The following TP63 variants were observed in gnomAD, a reference collection of about 807,000 sequenced individuals.
TP63 encodes tumor protein 63.
A neutral mutation model predicts 82.8 loss-of-function variants in TP63; 17 were observed. The observed-to-expected ratio is 0.21, with a 90% CI of 0.14 to 0.31. The LOEUF (loss-of-function observed/expected upper bound fraction) is 0.31, where lower values mean the gene tolerates loss of function less well. Among genes scored for constraint, TP63 ranks in the 10% least tolerant of loss-of-function variants. TP63 has a pLI of 1.00. For missense variants in TP63, 648 were observed against 895.3 expected, an observed-to-expected ratio of 0.72 and a Z score of 3.52; for synonymous variants, 330 against 321.7, an observed-to-expected ratio of 1.03 and a Z score of -0.28.
intron 1 of TP63, among the ~76,000 whole-genome samples, chr3:189,733,963 C>G (rs1461429722): frequency 2.6e-5 from 4 of 152,146 alleles, no homozygotes; most frequent in Non-Finnish European, 4.4e-5. Flanking sequence ...ACCAATTTAA[C>G]TTTGTTAATT....
chr3:189,713,498 T>G (rs1450212686), intron 1 of TP63, among the ~76,000 whole-genome samples: 2 of 152,174 alleles, frequency 1.3e-5, no homozygotes, highest in African/African-American at 4.8e-5. Context: ...TAATCTCAAA[T>G]GTACTTCATC....
intron 4 of TP63, among the ~76,000 whole-genome samples, chr3:189,853,875 C>G (rs1715958088): frequency 6.6e-6 from 1 of 152,174 alleles, no homozygotes; most frequent in Non-Finnish European, 1.5e-5. Context: ...TCCCATAACA[C>G]TTGCAGATGG....
intron 1 of TP63, among the ~76,000 whole-genome samples, chr3:189,686,606 A>G (rs1212896954): frequency 6.6e-6 from 1 of 151,882 alleles, no homozygotes; most frequent in East Asian, 1.9e-4. Flanking sequence ...AAATAAATAA[A>G]TAAATAATGC....
chr3:189,824,720 A>G lies in TP63; in HGVS notation c.579+16194A>G, dbSNP rs138143862. Among the ~76,000 whole-genome samples the G allele has an allele frequency of 2.6e-3, 398 of 152,192 alleles. 3 individuals are homozygous for G. Among genetic ancestry groups the G allele is most frequent in the African/African-American group, 9.0e-3 (375 of 41,508 alleles). On this transcript the variant is annotated intron_variant, in intron 4 of 13. Coordinates refer to ENST00000264731, the MANE Select transcript of TP63 (RefSeq NM_003722.5). ...CTTACTCAGGACGATTTTCCTCTTAAAGCACCAGGGAGGGAGAGGCCCTTG... is the reference window on the plus strand; with the variant it reads ...CTTACTCAGGACGATTTTCCTCTTAGAGCACCAGGGAGGGAGAGGCCCTTG...
chr3:189,598,235 T>G, the TP63 span, among the ~76,000 whole-genome samples: 1 of 135,924 alleles, frequency 7.4e-6, no homozygotes, highest in Non-Finnish European at 1.5e-5. Context: ...ATAATTGGAG[T>G]AGAGATGGAG....
intron 1 of TP63, among the ~76,000 whole-genome samples, chr3:189,728,857 C>T (rs1291304960): frequency 6.6e-6 from 1 of 152,176 alleles, no homozygotes; most frequent in African/African-American, 2.4e-5. Context: ...ATTACTTCCT[C>T]CTGGTCCTGC....
chr3:189,889,628 G>T, intron 12 of TP63, 144 bp downstream of exon 12: 1 of 1,135,952 alleles, frequency 8.8e-7, no homozygotes, highest in Non-Finnish European at 1.3e-6. Flanking sequence ...TCTCTGATCT[G>T]TGGAGTGGTC....
In TP63 at chr3:189,771,154, G is replaced by T. The variant is rs917308517; in HGVS notation, c.324+32380G>T. ...AATATTTTATACTAACATTAAACAA[G>T]TAAAAATGTGGCTATTGTTCAGGAG... On this transcript the variant is annotated intron_variant, in intron 3 of 13. Coordinates refer to ENST00000264731, the MANE Select transcript of TP63 (RefSeq NM_003722.5). 2.7e-5 allele frequency among the ~76,000 whole-genome samples: 4 copies of T among 150,796 alleles called. No individual in the cohort carries two copies. In the Admixed American group the frequency reaches 2.7e-4, roughly 10 times the overall value.
chr3:189,766,135 A>G (rs1722945392), intron 3 of TP63, among the ~76,000 whole-genome samples: 1 of 152,176 alleles, frequency 6.6e-6, no homozygotes, highest in African/African-American at 2.4e-5. Flanking sequence ...CAGGAATTTG[A>G]GACTGCAGTG....
At chr3:189,789,121 C>T (rs1425208474) in intron 3 of TP63, among the ~76,000 whole-genome samples, 1 of 151,960 alleles carries the variant, frequency 6.6e-6, no homozygotes, top group African/African-American at 2.4e-5. Context: ...ACTGGCATTT[C>T]TCTGGGGAAA....
At chr3:189,672,094 ATTAG>A (rs1335688962) in intron 1 of TP63, among the ~76,000 whole-genome samples, 3 of 152,212 alleles carry the variant, frequency 2.0e-5, no homozygotes, top group Admixed American at 6.6e-5. Context: ...TGATAAATAT[ATTAG>A]TTATTCTTAT....
At chr3:189,877,471 C>G (rs763318613) in intron 10 of TP63, among the ~76,000 whole-genome samples, 8 of 152,204 alleles carry the variant, frequency 5.3e-5, no homozygotes, top group Non-Finnish European at 1.5e-5. Context: ...GCGAGGCTGA[C>G]ATCACTTTGT....
chr3:189,891,497 C>T (rs1228373401), intron 13 of TP63, among the ~76,000 whole-genome samples: 1 of 152,202 alleles, frequency 6.6e-6, no homozygotes, highest in African/African-American at 2.4e-5. Context: ...CCAGCCATTT[C>T]TAATCATTGG....
chr3:189,884,910 C>T (rs1403577495), intron 10 of TP63, among the ~76,000 whole-genome samples: 2 of 152,044 alleles, frequency 1.3e-5, no homozygotes, highest in African/African-American at 2.4e-5. Context: ...TGCAGAGTGG[C>T]AGCTTCGAAG....
Position 189,631,471 on chromosome 3 carries a change from A to G in TP63, c.-45A>G. 1.2e-6 allele frequency: 2 copies of G among 1,611,316 alleles called. No homozygotes were observed. Among genetic ancestry groups the G allele is most frequent in the South Asian group, 1.1e-5 (1 of 91,012 alleles). Reference sequence around the variant, plus strand: ...ATACACAGGTATATGTGTATATTTTATATAATTGTTCTCCGTTCGTTGATA... The same window carrying G: ...ATACACAGGTATATGTGTATATTTTGTATAATTGTTCTCCGTTCGTTGATA... On this transcript the variant is annotated 5_prime_UTR_variant, in exon 1 of 14. Transcript: ENST00000264731.
chr3:189,804,074 A>G (rs1726613349), intron 3 of TP63, among the ~76,000 whole-genome samples: 1 of 152,140 alleles, frequency 6.6e-6, no homozygotes, highest in Non-Finnish European at 1.5e-5. Context: ...AAATACATGC[A>G]TATGGGACAT....
At chr3:189,818,909 A>G (rs1009138276) in intron 4 of TP63, among the ~76,000 whole-genome samples, 1 of 152,190 alleles carries the variant, frequency 6.6e-6, no homozygotes, top group African/African-American at 2.4e-5. Context: ...ATGTTAGAAA[A>G]GGAATTTGAG....
chr3:189,649,930 A>G (rs1355767102), intron 1 of TP63, among the ~76,000 whole-genome samples: 2 of 147,150 alleles, frequency 1.4e-5, no homozygotes, highest in African/African-American at 5.1e-5. Context: ...ATTGTCTCAT[A>G]TTTTAAAGAA....
At chr3:189,791,381 A>G (rs1725124544) in intron 3 of TP63, among the ~76,000 whole-genome samples, 1 of 152,158 alleles carries the variant, frequency 6.6e-6, no homozygotes, top group African/African-American at 2.4e-5. Flanking sequence ...ATGTCGTGAA[A>G]GAAAGCAATT....
Sources: allele counts gnomAD v4.1 joint callset (sites outside exome capture counted in the v4.1 genomes callset), GRCh38; gene constraint gnomAD v4.1.1; transcripts MANE v1.5; gene names NCBI Gene and HGNC (gene_info 2026-07-23, HGNC 2026-07-21).